Variants in EXOC4 observed in about 807,000 individuals in gnomAD.
EXOC4 encodes exocyst complex component 4.
In EXOC4, 71 loss-of-function variants were observed where a neutral mutation model predicts 107.2. That is an observed-to-expected ratio of 0.66 (90% CI 0.55 to 0.81). EXOC4 has a LOEUF of 0.81. EXOC4 is among the 30% of genes least tolerant of loss of function. EXOC4 has a pLI of 0.00. For synonymous variants in EXOC4, 456 were observed against 441.2 expected (o/e 1.03, Z -0.42); for missense variants, 1,108 against 1,189.6 (o/e 0.93, Z 1.01).
intron 7 of EXOC4, among the ~76,000 whole-genome samples, chr7:133,440,999 GA>G (rs200022771): frequency 6.6e-6 from 1 of 151,548 alleles, no homozygotes; most frequent in Non-Finnish European, 1.5e-5. Context: ...CCCTCTCTTG[GA>G]TGTGGATCAG....
chr7:133,684,120 T>TA (rs1794244379), intron 10 of EXOC4, among the ~76,000 whole-genome samples: 1 of 152,144 alleles, frequency 6.6e-6, no homozygotes, highest in Admixed American at 6.5e-5. Flanking sequence ...TAACGAACTA[T>TA]AACTCGTAGA....
intron 11 of EXOC4, among the ~76,000 whole-genome samples, chr7:133,820,154 A>ATTTTTTTTT (rs35640945): frequency 4.3e-5 from 3 of 70,292 alleles, no homozygotes; most frequent in African/African-American, 1.1e-4. Flanking sequence ...CACCTGCTTC[A>ATTTTTTTTT]TTTTTTTTTT....
chr7:133,637,910 G>T (rs1257043660), intron 10 of EXOC4, among the ~76,000 whole-genome samples: 1 of 152,074 alleles, frequency 6.6e-6, no homozygotes, highest in Admixed American at 6.6e-5. Context: ...TGAATAAAAT[G>T]GAGAGCCAGT....
rs80013379 is a variant in EXOC4 at position 133,850,121 on chromosome 7, T to C, written c.1734+32577T>C. Among the ~76,000 whole-genome samples the C allele has an allele frequency of 8.7e-4, 132 of 152,344 alleles. 1 individual carries two copies. The highest frequency in any genetic ancestry group is 3.0e-3 in the African/African-American group (126 of 41,582). Reference sequence around the variant, plus strand: ...AAACCAACAAAACACTGCCAATTCCTGTGATATGTAGATTATTTGTCTTTA... The same window carrying C: ...AAACCAACAAAACACTGCCAATTCCCGTGATATGTAGATTATTTGTCTTTA... On this transcript the variant is annotated intron_variant, in intron 11 of 17. Transcript: ENST00000253861.
At chr7:133,307,786 C>T (rs1295580663) in intron 4 of EXOC4, among the ~76,000 whole-genome samples, 1 of 152,168 alleles carries the variant, frequency 6.6e-6, no homozygotes, top group Non-Finnish European at 1.5e-5. Context: ...CGTGCCACTG[C>T]CATTGCCTTG....
intron 10 of EXOC4, among the ~76,000 whole-genome samples, chr7:133,634,358 A>G (rs1185200239): frequency 6.6e-6 from 1 of 152,150 alleles, no homozygotes; most frequent in African/African-American, 2.4e-5. Flanking sequence ...CATGTCTCTT[A>G]GAGAGTAAAT....
chr7:133,519,090 A>G (rs1267400412), intron 9 of EXOC4, among the ~76,000 whole-genome samples: 2 of 152,208 alleles, frequency 1.3e-5, no homozygotes, highest in African/African-American at 2.4e-5. Flanking sequence ...GTAGCTAAGT[A>G]AATATTTCAT....
chr7:133,633,643 C>T (rs779052793), intron 10 of EXOC4, among the ~76,000 whole-genome samples: 7 of 152,010 alleles, frequency 4.6e-5, no homozygotes, highest in South Asian at 2.1e-4. Flanking sequence ...CACTTGAACC[C>T]GGAGGCGGAG....
intron 11 of EXOC4, among the ~76,000 whole-genome samples, chr7:133,817,767 G>A (rs1797409381): frequency 6.6e-6 from 1 of 152,018 alleles, no homozygotes; most frequent in Non-Finnish European, 1.5e-5. Flanking sequence ...GTTAGCTTTG[G>A]ATATGAGAGA....
At chr7:133,391,845 T>C (rs1266491590) in intron 7 of EXOC4, among the ~76,000 whole-genome samples, 1 of 152,188 alleles carries the variant, frequency 6.6e-6, no homozygotes, top group African/African-American at 2.4e-5. Flanking sequence ...TGCTATAATG[T>C]GAGAAGGAAT....
chr7:133,407,034 G>T (rs1413705361), intron 7 of EXOC4, among the ~76,000 whole-genome samples: 1 of 152,132 alleles, frequency 6.6e-6, no homozygotes, highest in Non-Finnish European at 1.5e-5. Context: ...TCTTCTCAAC[G>T]TGGGGTCAAC....
intron 5 of EXOC4, among the ~76,000 whole-genome samples, chr7:133,325,263 C>T (rs1584813090): frequency 6.6e-6 from 1 of 152,254 alleles, no homozygotes; most frequent in African/African-American, 2.4e-5. Flanking sequence ...ATGATGTTAG[C>T]TGGTTATTTT....
chr7:133,640,868 CTCTCT>C (rs1802837565), intron 10 of EXOC4, among the ~76,000 whole-genome samples: 1 of 104,492 alleles, frequency 9.6e-6, no homozygotes, highest in South Asian at 4.3e-4. Context: ...TTCTCTCTCT[CTCTCT>C]TTTTTTTTTT....
At chr7:133,580,173 A>G (rs1383167437) in intron 9 of EXOC4, among the ~76,000 whole-genome samples, 2 of 152,224 alleles carry the variant, frequency 1.3e-5, no homozygotes, top group Non-Finnish European at 2.9e-5. Flanking sequence ...CAAAGTATGT[A>G]TACATCGCAT....
chr7:133,270,224 T>G (rs1468907534), intron 1 of EXOC4, among the ~76,000 whole-genome samples: 1 of 152,192 alleles, frequency 6.6e-6, no homozygotes, highest in Non-Finnish European at 1.5e-5. Flanking sequence ...CCATGTGGAA[T>G]TGTAAGTCCA....
chr7:133,329,741 A>G (rs1213209749), intron 5 of EXOC4, among the ~76,000 whole-genome samples: 1 of 152,140 alleles, frequency 6.6e-6, no homozygotes, highest in Non-Finnish European at 1.5e-5. Context: ...TTGCCTGGGT[A>G]TCACCAGCAG....
chr7:133,827,299 T>C (rs1797725294), intron 11 of EXOC4, among the ~76,000 whole-genome samples: 1 of 152,146 alleles, frequency 6.6e-6, no homozygotes, highest in Non-Finnish European at 1.5e-5. Context: ...ACAGGCCCAT[T>C]ATATGATCAA....
At chr7:133,356,994 A>T (rs1007056970) in intron 6 of EXOC4, among the ~76,000 whole-genome samples, 2 of 152,196 alleles carry the variant, frequency 1.3e-5, no homozygotes, top group African/African-American at 2.4e-5. Flanking sequence ...AATAAAAAGG[A>T]TACTATAGCC....
chr7:133,272,515 C>A (rs1793896031), intron 1 of EXOC4, among the ~76,000 whole-genome samples: 1 of 151,986 alleles, frequency 6.6e-6, no homozygotes, highest in African/African-American at 2.4e-5. Context: ...TGGCTCCTGG[C>A]AGCTAGTAAG....
Sources: allele counts gnomAD v4.1 joint callset (sites outside exome capture counted in the v4.1 genomes callset), GRCh38; gene constraint gnomAD v4.1.1; transcripts MANE v1.5; gene names NCBI Gene and HGNC (gene_info 2026-07-23, HGNC 2026-07-21).